Variants in TRPC5 observed in about 807,000 individuals in gnomAD.
The protein encoded by TRPC5 is transient receptor potential cation channel subfamily C member 5, also known as short transient receptor potential channel 5.
In TRPC5, 9 loss-of-function variants were observed where a neutral mutation model predicts 56.5. The ratio of observed to expected loss-of-function variants is 0.16; its 90% confidence interval spans 0.10 to 0.28. The LOEUF (loss-of-function observed/expected upper bound fraction) is 0.28. Ranked by LOEUF, TRPC5 falls within the 10% of genes least tolerant of loss-of-function variation. The probability of loss-of-function intolerance (pLI) is 1.00; values close to 1 mark genes in which losing one functional copy is unlikely to be tolerated. For synonymous variants in TRPC5, 282 were observed against 278.5 expected, an observed-to-expected ratio of 1.01 and a Z score of -0.13; for missense variants, 469 against 748.9, an observed-to-expected ratio of 0.63 and a Z score of 4.36.
chrX:111,789,884 G>A (rs1383175207), intron 7 of TRPC5, among the ~76,000 whole-genome samples: 5 of 112,305 alleles, frequency 4.5e-5, no homozygotes, highest in Non-Finnish European at 9.4e-5. Context: ...AGTTAGAATG[G>A]CAATCATTAA....
intron 1 of TRPC5, among the ~76,000 whole-genome samples, chrX:112,048,399 C>CAAAAAAAAAAAAAAAAAAAAA (rs58537492): frequency 4.7e-5 from 1 of 21,480 alleles, no homozygotes; most frequent in Non-Finnish European, 8.4e-5. Context: ...GACTCCGTAT[C>CAAAAAAAAAAAAAAAAAAAAA]AAAAAAAAAA....
At chrX:111,788,507 T>A (rs1360521436) in intron 7 of TRPC5, among the ~76,000 whole-genome samples, 7 of 111,690 alleles carry the variant, frequency 6.3e-5, no homozygotes, top group African/African-American at 2.3e-4. Flanking sequence ...CCTGCACAAG[T>A]CAAGGATGCC....
At chrX:111,910,192 C>T (rs1479193568) in intron 3 of TRPC5, among the ~76,000 whole-genome samples, 1 of 112,030 alleles carries the variant, frequency 8.9e-6, no homozygotes, top group Non-Finnish European at 1.9e-5. Flanking sequence ...TATTTTATTC[C>T]CATTAACCAT....
chrX:111,928,629 G>C (rs1926324626), intron 2 of TRPC5, among the ~76,000 whole-genome samples: 1 of 112,063 alleles, frequency 8.9e-6, no homozygotes, highest in South Asian at 3.8e-4. Flanking sequence ...CTTTGTTGTA[G>C]TTGGGAGAAG....
At chrX:111,979,023 T>A (rs1754387889) in intron 1 of TRPC5, among the ~76,000 whole-genome samples, 1 of 111,305 alleles carries the variant, frequency 9.0e-6, no homozygotes, top group Non-Finnish European at 1.9e-5. Flanking sequence ...TTATACTGGA[T>A]GTTTTGGCTA....
intron 1 of TRPC5, among the ~76,000 whole-genome samples, chrX:112,031,681 A>G (rs1465403024): frequency 9.1e-6 from 1 of 109,886 alleles, no homozygotes; most frequent in Admixed American, 9.9e-5. Flanking sequence ...ATATCTATAT[A>G]CATAGATGTA....
chrX:112,027,708 T>G (rs886746715), intron 1 of TRPC5, among the ~76,000 whole-genome samples: 43 of 110,609 alleles, frequency 3.9e-4, no homozygotes, highest in South Asian at 7.8e-4. Flanking sequence ...GTGTTAGCCA[T>G]GATGGTCTCG....
rs200340179 is a variant in TRPC5 at position 111,847,307 on chromosome X, A to G, written c.1507T>C (p.Leu503=). The G allele has an allele frequency of 1.2e-5, 14 of 1,209,273 alleles. No individual in the cohort carries two copies. In the East Asian group the frequency reaches 2.7e-4, roughly 23 times the overall value. ...CCCAAAGAGATCTGCAGAGGTCCTAAGTGGGAGTTGGCTGTGAACAGGGAT... is the reference window on the plus strand; with the variant it reads ...CCCAAAGAGATCTGCAGAGGTCCTAGGTGGGAGTTGGCTGTGAACAGGGAT... The part of the protein sequence containing the change: ...LISLFTANSH[L]GPLQISLGRM... The change falls in exon 6 of 11, where the codon TTA becomes CTA. Residue 503 remains leucine (L), a synonymous_variant. Coordinates refer to ENST00000262839, the MANE Select transcript of TRPC5 (RefSeq NM_012471.3).
At position 111,772,936 on chromosome X, in the gene TRPC5, C is replaced by G; in HGVS notation, c.*3377G>C. Among the ~76,000 whole-genome samples the G allele has an allele frequency of 9.0e-6, 1 of 111,174 alleles. No individual in the cohort carries two copies. The highest frequency in any genetic ancestry group is 1.9e-5 in the Non-Finnish European group (1 of 53,062). On this transcript the variant is annotated 3_prime_UTR_variant, in exon 11 of 11. Transcript: ENST00000262839. ...TGGCCTCATATTTATCTCTAAAGTT[C>G]CCACTGAGGTTTTCAGATGAGGTTT...
intron 3 of TRPC5, among the ~76,000 whole-genome samples, chrX:111,867,986 T>G (rs151220999): frequency 0.011 from 1,224 of 112,523 alleles, 15 homozygotes; most frequent in African/African-American, 0.037. Flanking sequence ...CCTAGGAAGT[T>G]TGTACTATTA....
chrX:111,788,959 G>T (rs1305656187), intron 7 of TRPC5, among the ~76,000 whole-genome samples: 5 of 111,914 alleles, frequency 4.5e-5, no homozygotes, highest in Non-Finnish European at 7.5e-5. Context: ...TAGATAGGAA[G>T]AATCATTATC....
At chrX:111,841,885 A>G (rs1922745423) in intron 6 of TRPC5, among the ~76,000 whole-genome samples, 9 of 107,513 alleles carry the variant, frequency 8.4e-5, no homozygotes, top group Admixed American at 6.1e-4. Context: ...TAATTTTTGT[A>G]TTTTTAATAG....
intron 1 of TRPC5, among the ~76,000 whole-genome samples, chrX:112,057,775 G>A (rs1471922593): frequency 1.8e-5 from 2 of 112,050 alleles, no homozygotes; most frequent in Non-Finnish European, 3.8e-5. Flanking sequence ...TGGTTCTTAA[G>A]CAAGTTTCTT....
intron 3 of TRPC5, among the ~76,000 whole-genome samples, chrX:111,869,065 C>T (rs1435523603): frequency 9.0e-6 from 1 of 111,507 alleles, no homozygotes; most frequent in South Asian, 3.8e-4. Context: ...CAAAAGTTCC[C>T]GAAGAGGAAG....
At position 111,779,067 on chromosome X, in the gene TRPC5, A is replaced by G; in HGVS notation, c.2150T>C (p.Ile717Thr). ...LIQNQHYQEV[I>T]RNLVKRYVAA... Reference sequence around the variant, plus strand: ...CACATATCTTTTGACTAAATTCCTGATAACTTCCTGGAATTACAAAACATG... The same window carrying G: ...CACATATCTTTTGACTAAATTCCTGGTAACTTCCTGGAATTACAAAACATG... The change falls in exon 10 of 11, where the codon ATC becomes ACC. Residue 717 changes from isoleucine to threonine, a missense_variant. This residue lies in a region of TRPC5 where 194 missense variants were observed against 221.8 expected (regional missense o/e 0.87). Transcript: ENST00000262839. 3.4e-6 allele frequency: 4 copies of G among 1,193,691 alleles called. No individual in the cohort carries two copies. The highest frequency in any genetic ancestry group is 4.5e-6 in the Non-Finnish European group (4 of 882,855).
chrX:112,037,387 C>T (rs889585994), intron 1 of TRPC5, among the ~76,000 whole-genome samples: 2 of 111,913 alleles, frequency 1.8e-5, no homozygotes, highest in African/African-American at 6.5e-5. Context: ...ACCACTGTCA[C>T]CAAAGATTGG....
intron 1 of TRPC5, among the ~76,000 whole-genome samples, chrX:111,999,850 C>G: frequency 9.0e-6 from 1 of 111,310 alleles, no homozygotes; most frequent in Middle Eastern, 4.6e-3. Context: ...CCTGTGATCC[C>G]AGCTACTCAG....
intron 3 of TRPC5, among the ~76,000 whole-genome samples, chrX:111,878,115 G>T (rs965057310): frequency 1.8e-5 from 2 of 110,613 alleles, no homozygotes; most frequent in African/African-American, 3.3e-5. Context: ...TCAAACATCA[G>T]CTCAAGATCC....
chrX:111,975,251 G>T (rs1203928856), intron 1 of TRPC5, among the ~76,000 whole-genome samples: 2 of 109,583 alleles, frequency 1.8e-5, no homozygotes, highest in Non-Finnish European at 3.8e-5. Flanking sequence ...TAAGATAATT[G>T]AGCAGAGACT....
Sources: gnomAD v4.1 joint callset for allele counts (sites outside exome capture counted in the v4.1 genomes callset) on GRCh38, gnomAD v4.1.1 for gene constraint, gnomAD v4.1.1 regional missense constraint, MANE v1.5 for transcripts, NCBI Gene and HGNC (gene_info 2026-07-23, HGNC 2026-07-21) for gene names.